The following NELL1 variants were observed in gnomAD, a reference collection of about 807,000 sequenced individuals.
NELL1 encodes the protein neural EGFL like 1, also known as protein kinase C-binding protein NELL1.
A neutral mutation model predicts 107.4 loss-of-function variants in NELL1; 76 were observed. The observed-to-expected ratio is 0.71, with a 90% CI of 0.59 to 0.86. The LOEUF is 0.86. NELL1 is among the 40% of genes least tolerant of loss of function. The pLI is 0.00. For missense variants in NELL1, 1,024 were observed against 1,005.5 expected (o/e 1.02, Z -0.25); for synonymous variants, 353 against 341.2 (o/e 1.03, Z -0.38).
intron 13 of NELL1, among the ~76,000 whole-genome samples, chr11:21,186,351 T>C (rs1856935511): frequency 6.6e-6 from 1 of 151,806 alleles, no homozygotes; most frequent in African/African-American, 2.4e-5. Context: ...GGCCAAAAAA[T>C]GGCAAATGTC....
At chr11:21,234,676 G>C (rs1461741360) in intron 14 of NELL1, among the ~76,000 whole-genome samples, 1 of 152,146 alleles carries the variant, frequency 6.6e-6, no homozygotes, top group Non-Finnish European at 1.5e-5. Flanking sequence ...TGTTTGCATT[G>C]AGTGCATGTG....
At chr11:20,828,549 A>G (rs1431037050) in intron 3 of NELL1, among the ~76,000 whole-genome samples, 2 of 152,118 alleles carry the variant, frequency 1.3e-5, no homozygotes, top group African/African-American at 4.8e-5. Flanking sequence ...CTTGTTTGGG[A>G]TCGCTGCAGG....
chr11:20,964,844 C>T (rs1238180178), intron 12 of NELL1, among the ~76,000 whole-genome samples: 1 of 152,080 alleles, frequency 6.6e-6, no homozygotes, highest in Non-Finnish European at 1.5e-5. Context: ...TGGCAATGTT[C>T]CAGGTCAGGG....
chr11:20,873,023 T>C (rs1344263914), intron 4 of NELL1, among the ~76,000 whole-genome samples: 11 of 152,218 alleles, frequency 7.2e-5, no homozygotes, highest in Admixed American at 7.2e-4. Flanking sequence ...ATGTCTGTTT[T>C]ATGTGAGCAG....
At chr11:21,151,293 G>T (rs1373140317) in intron 13 of NELL1, among the ~76,000 whole-genome samples, 4 of 152,072 alleles carry the variant, frequency 2.6e-5, no homozygotes, top group Admixed American at 6.6e-5. Context: ...GCATGTCTTT[G>T]GTTTGAAAAC....
At chr11:21,196,206 C>T (rs746198327) in intron 13 of NELL1, among the ~76,000 whole-genome samples, 2 of 152,064 alleles carry the variant, frequency 1.3e-5, no homozygotes, top group Non-Finnish European at 1.5e-5. Context: ...TGTGACAGCC[C>T]AGCCACTTGC....
chr11:21,464,498 A>G (rs2133876700), intron 15 of NELL1, among the ~76,000 whole-genome samples: 1 of 152,258 alleles, frequency 6.6e-6, no homozygotes, highest in South Asian at 2.1e-4. Context: ...TTTGGACACA[A>G]AATGACATTA....
intron 18 of NELL1, among the ~76,000 whole-genome samples, chr11:21,571,633 A>T (rs1389135219): frequency 6.6e-6 from 1 of 151,918 alleles, no homozygotes; most frequent in Non-Finnish European, 1.5e-5. Flanking sequence ...TAAAAAGGAA[A>T]AAATGAAGGT....
At chr11:21,066,461 A>T (rs190488892) in intron 12 of NELL1, among the ~76,000 whole-genome samples, 1 of 152,332 alleles carries the variant, frequency 6.6e-6, no homozygotes, top group East Asian at 1.9e-4. Flanking sequence ...AAAAATATGG[A>T]CTAGGGATTT....
chr11:20,759,297 C>G (rs1421510051), intron 2 of NELL1, among the ~76,000 whole-genome samples: 1 of 152,186 alleles, frequency 6.6e-6, no homozygotes, highest in African/African-American at 2.4e-5. Flanking sequence ...GCTCAACACT[C>G]TCCTATAGGG....
At chr11:21,437,763 T>TGTG (rs1853162612) in intron 15 of NELL1, among the ~76,000 whole-genome samples, 1 of 152,244 alleles carries the variant, frequency 6.6e-6, no homozygotes, top group Admixed American at 6.5e-5. Context: ...TATCTCTTTC[T>TGTG]GTTTCTTCCT....
At chr11:21,364,639 T>C (rs1565189082) in intron 14 of NELL1, among the ~76,000 whole-genome samples, 1 of 152,194 alleles carries the variant, frequency 6.6e-6, no homozygotes, top group African/African-American at 2.4e-5. Flanking sequence ...TGTTTCTGTT[T>C]ATATGTGCAT....
rs530319927 is a variant in NELL1 at position 21,566,133 on chromosome 11, TTG to T, written c.1981-4627_1981-4626del. Among the ~76,000 whole-genome samples, 56 of 152,064 alleles carry T rather than the reference TTG, an allele frequency of 3.7e-4. No individual in the cohort carries two copies. The South Asian group carries it at 0.011, about 29-fold the overall frequency. ...ACAAAATGTAAATGAACAAGGGAACTTGTGTTCCAATAACACTTCATTTACAA... is the reference window on the plus strand; with the variant it reads ...ACAAAATGTAAATGAACAAGGGAACTTGTTCCAATAACACTTCATTTACAA... On this transcript the variant is annotated intron_variant, in intron 17 of 19. Transcript: ENST00000357134.
At chr11:21,510,989 G>T (rs1280247606) in intron 15 of NELL1, among the ~76,000 whole-genome samples, 3 of 152,180 alleles carry the variant, frequency 2.0e-5, no homozygotes, top group Admixed American at 2.0e-4. Flanking sequence ...CCAGCTGTAT[G>T]ATTTTGGTCA....
intron 15 of NELL1, among the ~76,000 whole-genome samples, chr11:21,450,875 T>G (rs529850684): frequency 2.6e-4 from 39 of 152,222 alleles, no homozygotes; most frequent in Non-Finnish European, 5.0e-4. Context: ...ATTAAATAAC[T>G]GCACATATAT....
chr11:21,059,660 C>T (rs1853692249), intron 12 of NELL1, among the ~76,000 whole-genome samples: 1 of 152,120 alleles, frequency 6.6e-6, no homozygotes, highest in Non-Finnish European at 1.5e-5. Flanking sequence ...CTTAATTCCC[C>T]TACTCTGTAG....
chr11:21,204,713 A>C (rs537562542), intron 13 of NELL1, among the ~76,000 whole-genome samples: 2 of 151,814 alleles, frequency 1.3e-5, no homozygotes, highest in South Asian at 4.2e-4. Flanking sequence ...TGGAATTTTC[A>C]GTCTTTTTAC....
At chr11:21,564,587 G>A (rs573536572) in intron 17 of NELL1, among the ~76,000 whole-genome samples, 1 of 151,928 alleles carries the variant, frequency 6.6e-6, no homozygotes, top group South Asian at 2.1e-4. Context: ...GAACTATGAA[G>A]GCCAGATAGT....
chr11:20,771,168 G>A (rs527747009), intron 2 of NELL1, among the ~76,000 whole-genome samples: 1 of 152,006 alleles, frequency 6.6e-6, no homozygotes, highest in African/African-American at 2.4e-5. Flanking sequence ...CTGACCTCTG[G>A]GACCCCAATA....
Sources: gnomAD v4.1 joint callset for allele counts (sites outside exome capture counted in the v4.1 genomes callset) on GRCh38, gnomAD v4.1.1 for gene constraint, MANE v1.5 for transcripts, NCBI Gene and HGNC (gene_info 2026-07-23, HGNC 2026-07-21) for gene names.